Variants in NRXN3 observed in about 807,000 individuals in gnomAD.
NRXN3 encodes neurexin 3.
A neutral mutation model predicts 137.6 loss-of-function variants in NRXN3; 32 were observed. That is an observed-to-expected ratio of 0.23 (90% CI 0.18 to 0.31). The LOEUF is 0.31. NRXN3 is among the 10% of genes least tolerant of loss of function. The pLI is 1.00. For synonymous variants in NRXN3, 798 were observed against 784.5 expected (o/e 1.02, Z -0.29); for missense variants, 1,574 against 2,062.5 (o/e 0.76, Z 4.59).
At chr14:79,412,207 C>T (rs765024650) in intron 15 of NRXN3, among the ~76,000 whole-genome samples, 1 of 151,986 alleles carries the variant, frequency 6.6e-6, no homozygotes, top group Non-Finnish European at 1.5e-5. Flanking sequence ...TTAGAAAAAT[C>T]GTTGAATTTA....
At chr14:78,759,935 C>A (rs530859652) in intron 8 of NRXN3, among the ~76,000 whole-genome samples, 7 of 152,072 alleles carry the variant, frequency 4.6e-5, no homozygotes, top group African/African-American at 1.7e-4. Flanking sequence ...TATTAGTATG[C>A]CCACTTTACA....
At chr14:78,733,249 C>T (rs375877683) in intron 8 of NRXN3, among the ~76,000 whole-genome samples, 47 of 151,538 alleles carry the variant, frequency 3.1e-4, no homozygotes, top group African/African-American at 1.1e-3. Context: ...AGAACGTGCT[C>T]AACACATTGT....
At chr14:78,510,060 T>A (rs989894695) in intron 4 of NRXN3, among the ~76,000 whole-genome samples, 3 of 136,924 alleles carry the variant, frequency 2.2e-5, no homozygotes, top group South Asian at 2.4e-4. Flanking sequence ...ATATATATAT[T>A]TTGGCAATGC....
chr14:78,351,861 G>A (rs919569738), intron 4 of NRXN3, among the ~76,000 whole-genome samples: 3 of 134,512 alleles, frequency 2.2e-5, no homozygotes, highest in Non-Finnish European at 4.8e-5. Context: ...TCCATAGGTT[G>A]TATTTTTTAT....
At chr14:78,317,783 C>G (rs963196403) in intron 4 of NRXN3, among the ~76,000 whole-genome samples, 11 of 152,156 alleles carry the variant, frequency 7.2e-5, no homozygotes, top group African/African-American at 2.7e-4. Context: ...AAGTCTACCC[C>G]TTTTCAACTC....
rs766656984 is a variant in NRXN3, at chr14:78,988,149, C to A, written c.3262+8C>A. 3 of 1,613,688 alleles carry A rather than the reference C, an allele frequency of 1.9e-6. No individual in the cohort carries two copies. The highest frequency in any genetic ancestry group is 1.1e-5 in the South Asian group (1 of 91,072). ...GAAACCAGTGCAATGATCGTAAGTA[C>A]AACAACCTTTCATACTGGAACTTTG... On this transcript the variant is annotated splice_region_variant and intron_variant, in intron 15 of 20. Coordinates refer to ENST00000335750, the MANE Select transcript of NRXN3 (RefSeq NM_001330195.2).
intron 15 of NRXN3, among the ~76,000 whole-genome samples, chr14:79,015,130 A>G (rs139728088): frequency 2.0e-4 from 30 of 151,976 alleles, no homozygotes; most frequent in African/African-American, 6.8e-4. Flanking sequence ...TCTTGAATCA[A>G]TCTCTGGACC....
intron 1 of NRXN3, among the ~76,000 whole-genome samples, chr14:78,238,264 A>T (rs1212328271): frequency 6.6e-6 from 1 of 152,138 alleles, no homozygotes; most frequent in Non-Finnish European, 1.5e-5. Flanking sequence ...CAATTAGATA[A>T]TGTCACTCAC....
At chr14:78,603,052 G>C (rs1457588407) in intron 4 of NRXN3, among the ~76,000 whole-genome samples, 3 of 151,904 alleles carry the variant, frequency 2.0e-5, no homozygotes, top group Middle Eastern at 3.2e-3. Flanking sequence ...CACTTTTTTT[G>C]TTTCTTTTTC....
chr14:78,495,735 G>A (rs1346891026), intron 4 of NRXN3, among the ~76,000 whole-genome samples: 2 of 152,180 alleles, frequency 1.3e-5, no homozygotes, highest in Non-Finnish European at 2.9e-5. Context: ...GACATTGAGT[G>A]CTTTGAGGTT....
intron 1 of NRXN3, among the ~76,000 whole-genome samples, chr14:78,218,973 C>T (rs1248334370): frequency 6.6e-6 from 1 of 152,172 alleles, no homozygotes; most frequent in Non-Finnish European, 1.5e-5. Flanking sequence ...GCTGTATTCT[C>T]TCCGTGTCAT....
intron 16 of NRXN3, among the ~76,000 whole-genome samples, chr14:79,662,860 G>A (rs902646584): frequency 2.0e-5 from 3 of 152,016 alleles, no homozygotes; most frequent in Non-Finnish European, 4.4e-5. Context: ...ACGTTCATGA[G>A]AAATTGTCCC....
intron 19 of NRXN3, among the ~76,000 whole-genome samples, chr14:79,734,033 G>C (rs1475421019): frequency 6.6e-6 from 1 of 152,170 alleles, no homozygotes; most frequent in Non-Finnish European, 1.5e-5. Flanking sequence ...CTGACTTGGA[G>C]TCACTGATGG....
chr14:79,348,854 G>C lies in NRXN3; in HGVS notation c.3263-118367G>C, dbSNP rs77355814. Among the ~76,000 whole-genome samples, 876 of 152,210 alleles carry C rather than the reference G, an allele frequency of 5.8e-3. 9 individuals carry two copies. Among genetic ancestry groups the C allele is most frequent in the African/African-American group, 0.021 (854 of 41,530 alleles). On this transcript the variant is annotated intron_variant, in intron 15 of 20. Coordinates refer to ENST00000335750, the MANE Select transcript of NRXN3 (RefSeq NM_001330195.2). The stretch of plus-strand genomic sequence containing the variant: ...AGATTTTTGCACCTAGCTCCACTAC[G>C]TAGTCCATCACATTTCATAGGGCGA...
chr14:79,387,088 C>A lies in NRXN3; in HGVS notation c.3263-80133C>A, dbSNP rs868493977. 7.8e-3 allele frequency among the ~76,000 whole-genome samples: 1,187 copies of A among 152,120 alleles called. 16 individuals are homozygous for A. The highest frequency in any genetic ancestry group is 0.026 in the African/African-American group (1,082 of 41,522). ...CACCAAAAGCAATGGCAACAAAAGA[C>A]AAAATTGACAAATGGGATCTAATTA... On this transcript the variant is annotated intron_variant, in intron 15 of 20. Coordinates refer to ENST00000335750, the MANE Select transcript of NRXN3 (RefSeq NM_001330195.2).
At chr14:78,453,889 T>A (rs1311849874) in intron 4 of NRXN3, among the ~76,000 whole-genome samples, 1 of 152,138 alleles carries the variant, frequency 6.6e-6, no homozygotes, top group South Asian at 2.1e-4. Flanking sequence ...AAACAGACTC[T>A]CCCTTAGAGT....
At chr14:79,634,679 T>C (rs11850428) in intron 16 of NRXN3, among the ~76,000 whole-genome samples, 4,471 of 152,288 alleles carry the variant, frequency 0.029, 221 homozygotes, top group African/African-American at 0.1. Context: ...TCTGGGTTTC[T>C]CCTCATCCAT....
chr14:78,523,570 C>T (rs185115451), intron 4 of NRXN3, among the ~76,000 whole-genome samples: 9 of 143,278 alleles, frequency 6.3e-5, no homozygotes, highest in South Asian at 4.4e-4. Context: ...GAGGCCAAGG[C>T]GGGCGGATCA....
rs1320981999 is a variant in NRXN3, at chr14:79,634,280, G to A, written c.3445-29498G>A. On this transcript the variant is annotated intron_variant, in intron 16 of 20. Transcript: ENST00000335750. ...AAGGCTATATAATGTCGAGAGACGG[G>A]CTAGTCCAGGAATCATGACAGCAAA... 2.0e-5 allele frequency among the ~76,000 whole-genome samples: 3 copies of A among 151,840 alleles called. No individual in the cohort carries two copies. The East Asian group carries it at 5.8e-4, about 29-fold the overall frequency.
Sources: allele counts gnomAD v4.1 joint callset (sites outside exome capture counted in the v4.1 genomes callset), GRCh38; gene constraint gnomAD v4.1.1; transcripts MANE v1.5; gene names NCBI Gene and HGNC (gene_info 2026-07-23, HGNC 2026-07-21).